The following CHRM2 variants were observed in gnomAD, a reference collection of about 807,000 sequenced individuals.
CHRM2 encodes cholinergic receptor muscarinic 2.
In CHRM2, 8 loss-of-function variants were observed where a neutral mutation model predicts 25.0. The ratio of observed to expected loss-of-function variants is 0.32; its 90% CI spans 0.19 to 0.58. The LOEUF is 0.58. CHRM2 is among the 20% of genes least tolerant of loss of function. The probability of loss-of-function intolerance (pLI) is 0.88; values close to 1 mark genes in which losing one functional copy is unlikely to be tolerated. For missense variants in CHRM2, 440 were observed against 567.1 expected (o/e 0.78, Z 2.28); for synonymous variants, 202 against 205.7 (o/e 0.98, Z 0.15).
At chr7:136,915,326 T>C (rs1200523284) in intron 2 of CHRM2, among the ~76,000 whole-genome samples, 1 of 151,936 alleles carries the variant, frequency 6.6e-6, no homozygotes, top group African/African-American at 2.4e-5. Context: ...AGGCTGTGCA[T>C]GCACACCATC....
chr7:136,903,400 C>G (rs1478496224), intron 2 of CHRM2: 1 of 344,364 alleles, frequency 2.9e-6, no homozygotes, highest in Non-Finnish European at 5.7e-6. Context: ...GAACAAAATT[C>G]ACACCTCAGC....
intron 2 of CHRM2, among the ~76,000 whole-genome samples, chr7:136,889,680 T>C (rs1470327683): frequency 6.6e-6 from 1 of 152,244 alleles, no homozygotes; most frequent in Non-Finnish European, 1.5e-5. Context: ...GGAAACATTT[T>C]GTAAACACAT....
At chr7:136,877,706 G>A (rs1272502575) in intron 2 of CHRM2, among the ~76,000 whole-genome samples, 1 of 151,926 alleles carries the variant, frequency 6.6e-6, no homozygotes, top group Non-Finnish European at 1.5e-5. Context: ...AGTAACAGGC[G>A]GGTATGATAC....
intron 2 of CHRM2, among the ~76,000 whole-genome samples, chr7:136,950,605 C>T (rs773206269): frequency 4.0e-5 from 6 of 151,710 alleles, no homozygotes; most frequent in Non-Finnish European, 5.9e-5. Context: ...TTCCAGTGAA[C>T]GATGTAAATG....
At chr7:137,002,771 A>C (rs1804134970) in intron 3 of CHRM2, among the ~76,000 whole-genome samples, 1 of 152,172 alleles carries the variant, frequency 6.6e-6, no homozygotes, top group Non-Finnish European at 1.5e-5. Context: ...TTTTCTTGAG[A>C]GAAATAGAGA....
intron 3 of CHRM2, among the ~76,000 whole-genome samples, chr7:137,000,591 G>GGAAGGAAGGAA (rs917139955): frequency 4.0e-5 from 6 of 149,064 alleles, no homozygotes; most frequent in Non-Finnish European, 7.5e-5. Context: ...AAGGAAGGAA[G>GGAAGGAAGGAA]GGAAAAAAAG....
At chr7:136,932,545 T>C (rs1799168120) in intron 2 of CHRM2, among the ~76,000 whole-genome samples, 1 of 152,202 alleles carries the variant, frequency 6.6e-6, no homozygotes, top group South Asian at 2.1e-4. Context: ...TCTCAACAAT[T>C]GTGCCACAAC....
intron 3 of CHRM2, among the ~76,000 whole-genome samples, chr7:137,003,664 A>G (rs995166367): frequency 6.6e-6 from 1 of 152,206 alleles, no homozygotes; most frequent in African/African-American, 2.4e-5. Context: ...TTAGAAGTCC[A>G]GGTGTGTATA....
In CHRM2 at chr7:137,017,352, A is replaced by G. The variant is rs1046353652; in HGVS notation, c.*1086A>G. The G allele has an allele frequency of 4.3e-4, 65 of 152,036 alleles. No individual in the cohort carries two copies. Among genetic ancestry groups the G allele is most frequent in the African/African-American group, 1.4e-3 (57 of 41,540 alleles). The allele number at this position is 152,036 out of a possible 1,614,324, so 9.4% of individuals were successfully genotyped here. A position where few individuals can be genotyped will look rare whatever the true frequency, so the allele number is the denominator to read the frequency against. ...ATGTATGAAATGTTAACTTATAGAA[A>G]ATGAACTCCTGACTTTCTCAGCAGA... On this transcript the variant is annotated 3_prime_UTR_variant, in exon 4 of 4. Coordinates refer to ENST00000680005, the MANE Select transcript of CHRM2 (RefSeq NM_001006630.2).
intron 2 of CHRM2, among the ~76,000 whole-genome samples, chr7:136,976,437 T>C (rs1025769837): frequency 1.3e-4 from 20 of 152,158 alleles, no homozygotes; most frequent in African/African-American, 4.8e-4. Context: ...TACTCTATGA[T>C]GTATGTAATA....
intron 2 of CHRM2, among the ~76,000 whole-genome samples, chr7:136,948,440 T>G (rs1199669841): frequency 6.6e-6 from 1 of 152,110 alleles, no homozygotes; most frequent in Non-Finnish European, 1.5e-5. Flanking sequence ...TCACTGGAAA[T>G]GAGCGGAAGT....
intron 2 of CHRM2, among the ~76,000 whole-genome samples, chr7:136,883,850 C>T (rs1796358542): frequency 6.6e-6 from 1 of 152,094 alleles, no homozygotes; most frequent in Non-Finnish European, 1.5e-5. Context: ...CCTATCAGAA[C>T]ATGTGTTGGC....
intron 2 of CHRM2, among the ~76,000 whole-genome samples, chr7:136,896,686 G>A (rs1038236082): frequency 6.6e-6 from 1 of 152,046 alleles, no homozygotes; most frequent in African/African-American, 2.4e-5. Flanking sequence ...TCTCAGCTGA[G>A]GCTAAAGAAT....
intron 2 of CHRM2, among the ~76,000 whole-genome samples, chr7:136,928,337 T>C (rs7789847): frequency 0.24 from 36,211 of 152,142 alleles, 5,696 homozygotes; most frequent in Non-Finnish European, 0.35. Context: ...ATTTCTTTAC[T>C]GGTTTTAAAG....
intron 2 of CHRM2, among the ~76,000 whole-genome samples, chr7:136,934,229 T>C (rs1257492300): frequency 6.6e-5 from 10 of 152,162 alleles, no homozygotes; most frequent in Non-Finnish European, 2.9e-5. Flanking sequence ...CACCAAAGCT[T>C]AAATTTGAGT....
At chr7:136,920,560 C>T (rs1407631617) in intron 2 of CHRM2, among the ~76,000 whole-genome samples, 3 of 152,112 alleles carry the variant, frequency 2.0e-5, no homozygotes, top group Non-Finnish European at 4.4e-5. Flanking sequence ...GCACTGACCC[C>T]GGGGTCTGTT....
At chr7:136,945,869 A>G (rs1800044441) in intron 2 of CHRM2, among the ~76,000 whole-genome samples, 1 of 152,132 alleles carries the variant, frequency 6.6e-6, no homozygotes, top group Admixed American at 6.5e-5. Flanking sequence ...AGCAATTCCT[A>G]TCTTATTTAA....
At chr7:136,910,800 A>AGTGTGT (rs71533718) in intron 2 of CHRM2, among the ~76,000 whole-genome samples, 1,742 of 145,668 alleles carry the variant, frequency 0.012, 16 homozygotes, top group Middle Eastern at 0.021. Context: ...TTTAAAATTA[A>AGTGTGT]GTGTGTGTGT....
chr7:136,946,607 T>C (rs903998045), intron 2 of CHRM2, among the ~76,000 whole-genome samples: 1 of 152,208 alleles, frequency 6.6e-6, no homozygotes, highest in African/African-American at 2.4e-5. Context: ...GTTCTATTTT[T>C]AATACACTCC....
Sources: gnomAD v4.1 joint callset for allele counts (sites outside exome capture counted in the v4.1 genomes callset) on GRCh38, gnomAD v4.1.1 for gene constraint, MANE v1.5 for transcripts, NCBI Gene and HGNC (gene_info 2026-07-23, HGNC 2026-07-21) for gene names.